The following SEMA3A variants were observed in gnomAD, a reference collection of about 807,000 sequenced individuals.
The protein encoded by SEMA3A is semaphorin-3A.
In SEMA3A, 29 loss-of-function variants were observed where a neutral mutation model predicts 97.9. The ratio of observed to expected loss-of-function variants is 0.30; its 90% CI spans 0.22 to 0.40. The LOEUF is 0.40. Ranked by LOEUF, SEMA3A falls within the 10% of genes least tolerant of loss-of-function variation. The probability of loss-of-function intolerance (pLI) is 1.00; values close to 1 mark genes in which losing one functional copy is unlikely to be tolerated. For synonymous variants in SEMA3A, 321 were observed against 323.7 expected, an observed-to-expected ratio of 0.99 and a Z score of 0.09; for missense variants, 763 against 951.3, an observed-to-expected ratio of 0.80 and a Z score of 2.60.
chr7:84,383,838 A>T (rs1803330088), intron 1 of SEMA3A, among the ~76,000 whole-genome samples: 1 of 152,196 alleles, frequency 6.6e-6, no homozygotes. Flanking sequence ...ACTTTCAGAA[A>T]TTACCTCCTT....
chr7:84,016,267 C>T lies in SEMA3A; in HGVS notation c.668-1916G>A, dbSNP rs139386496. On this transcript the variant is annotated intron_variant, in intron 6 of 16. Transcript: ENST00000265362. ...TATGTAACAGAAACCTGGCCGGGCA[C>T]GGTGGCTCACGCCTGTAATCCCTGC... Among the ~76,000 whole-genome samples the T allele has an allele frequency of 1.5e-3, 222 of 152,148 alleles. 2 individuals are homozygous for T. In the East Asian group the frequency reaches 0.016, roughly 11 times the overall value.
chr7:84,186,715 T>C (rs1434592281), intron 1 of SEMA3A, among the ~76,000 whole-genome samples: 1 of 151,972 alleles, frequency 6.6e-6, no homozygotes, highest in Non-Finnish European at 1.5e-5. Flanking sequence ...CATTGTCCTT[T>C]CCTGGCAATA....
chr7:84,346,790 G>C (rs924808418), intron 2 of SEMA3A, among the ~76,000 whole-genome samples: 3 of 152,140 alleles, frequency 2.0e-5, no homozygotes, highest in African/African-American at 7.2e-5. Context: ...GTGACACAGA[G>C]ACATGAAGTG....
intron 3 of SEMA3A, among the ~76,000 whole-genome samples, chr7:84,290,639 G>A (rs1259056444): frequency 6.6e-6 from 1 of 152,022 alleles, no homozygotes; most frequent in African/African-American, 2.4e-5. Flanking sequence ...GTTCTCTTCT[G>A]AAGTAAGCCC....
intron 3 of SEMA3A, among the ~76,000 whole-genome samples, chr7:84,121,638 C>CTTTTTTTTTT (rs35808952): frequency 7.8e-5 from 1 of 12,874 alleles, no homozygotes; most frequent in African/African-American, 3.9e-4. Context: ...GGTTCCAAGT[C>CTTTTTTTTTT]TTTTTTTTTT....
chr7:83,979,124 C>T (rs192108995), intron 14 of SEMA3A, among the ~76,000 whole-genome samples: 2 of 148,490 alleles, frequency 1.3e-5, no homozygotes, highest in East Asian at 2.0e-4. Flanking sequence ...AGTTCAAACA[C>T]GAATTCCACT....
chr7:84,363,154 A>C (rs1222783719), intron 2 of SEMA3A, among the ~76,000 whole-genome samples: 2 of 151,932 alleles, frequency 1.3e-5, no homozygotes, highest in African/African-American at 4.8e-5. Flanking sequence ...ATCATCTGAC[A>C]AATTCCTGAC....
rs1412431452 is a variant in SEMA3A, at chr7:84,099,059, C to A, written c.453+11411G>T. ...ATAACCAGAGATTAATCAGGAATTA[C>A]ATTTTCTTTTTTTTTCTTTTTTTTT... is the stretch of plus-strand genomic sequence containing the variant. On this transcript the variant is annotated intron_variant, in intron 4 of 16. Coordinates refer to ENST00000265362, the MANE Select transcript of SEMA3A (RefSeq NM_006080.3). Among the ~76,000 whole-genome samples the A allele has an allele frequency of 3.1e-4, 35 of 112,608 alleles. 6 individuals are homozygous for A. The highest frequency in any genetic ancestry group is 2.6e-3 in the Admixed American group (26 of 9,872). The allele number at this position is 112,608 out of a possible 152,430, so 73.9% of individuals were successfully genotyped here.
intron 1 of SEMA3A, among the ~76,000 whole-genome samples, chr7:84,405,640 T>A (rs1046806867): frequency 3.3e-5 from 5 of 152,194 alleles, no homozygotes; most frequent in Non-Finnish European, 7.3e-5. Context: ...ACCACATAGT[T>A]GGAAGTAAAG....
intron 2 of SEMA3A, among the ~76,000 whole-genome samples, chr7:84,338,596 T>G (rs1055650138): frequency 1.3e-5 from 2 of 152,136 alleles, no homozygotes; most frequent in African/African-American, 4.8e-5. Context: ...GAATAAATAT[T>G]TGAAGAAATA....
chr7:84,108,197 G>T (rs1401687675), intron 4 of SEMA3A, among the ~76,000 whole-genome samples: 2 of 152,016 alleles, frequency 1.3e-5, no homozygotes, highest in African/African-American at 4.8e-5. Flanking sequence ...CAAATTTCTA[G>T]CTTAGAAACT....
chr7:84,115,172 C>G (rs929335), intron 3 of SEMA3A, among the ~76,000 whole-genome samples: 110,151 of 151,942 alleles, frequency 0.72, 40,388 homozygotes, highest in East Asian at 0.91. Context: ...GGTATGTAGG[C>G]ATATTCATAA....
intron 3 of SEMA3A, among the ~76,000 whole-genome samples, chr7:84,236,493 A>T (rs1799238709): frequency 6.6e-6 from 1 of 152,074 alleles, no homozygotes; most frequent in Non-Finnish European, 1.5e-5. Flanking sequence ...AACATTACTA[A>T]AATATTAGTT....
chr7:84,341,643 A>C (rs1184495436), intron 2 of SEMA3A, among the ~76,000 whole-genome samples: 1 of 152,088 alleles, frequency 6.6e-6, no homozygotes, highest in Admixed American at 6.6e-5. Flanking sequence ...CCCGAACAGT[A>C]TCTATCTAAG....
chr7:84,143,949 T>TCTCTCTC (rs1562810204), intron 1 of SEMA3A, among the ~76,000 whole-genome samples: 16 of 40,480 alleles, frequency 4.0e-4, no homozygotes, highest in African/African-American at 8.4e-4. Context: ...TCTCTCTCTC[T>TCTCTCTC]AACACACACA....
chr7:84,062,902 TG>T (rs1793306611), intron 4 of SEMA3A, among the ~76,000 whole-genome samples: 1 of 151,860 alleles, frequency 6.6e-6, no homozygotes. Flanking sequence ...AAGCTCCAAC[TG>T]GGTGGAGCCC....
At chr7:84,196,246 A>G (rs1454175500), upstream of SEMA3A, among the ~76,000 whole-genome samples, 5 of 152,054 alleles carry the variant, frequency 3.3e-5, no homozygotes, top group Non-Finnish European at 7.4e-5. Context: ...CACCTACTGA[A>G]AGTGGCTTAG....
At chr7:84,260,096 G>C (rs916337171) in intron 3 of SEMA3A, among the ~76,000 whole-genome samples, 1 of 152,140 alleles carries the variant, frequency 6.6e-6, no homozygotes, top group Non-Finnish European at 1.5e-5. Context: ...ATAAATACTT[G>C]CTGAGTGAAC....
rs1310318006 is a variant in SEMA3A at position 83,980,623 on chromosome 7, A to AAAAAAAAAAAAAAATATAT, written c.1652+697_1652+698insATATATTTTTTTTTTTTTT. 1.4e-3 allele frequency among the ~76,000 whole-genome samples: 101 copies of AAAAAAAAAAAAAAATATAT among 71,638 alleles called. 1 individual carries two copies. Among genetic ancestry groups the AAAAAAAAAAAAAAATATAT allele is most frequent in the Non-Finnish European group, 1.9e-3 (77 of 41,322 alleles). The allele number at this position is 71,638 out of a possible 152,430, so 47.0% of individuals were successfully genotyped here. On this transcript the variant is annotated intron_variant, in intron 14 of 16. Coordinates refer to ENST00000265362, the MANE Select transcript of SEMA3A (RefSeq NM_006080.3). ...CATCTCAAAAAAAAAAAAAAAAAAA[A>AAAAAAAAAAAAAAATATAT]ATATATATATATATATACACACACA...
Sources: allele counts gnomAD v4.1 joint callset (sites outside exome capture counted in the v4.1 genomes callset), GRCh38; gene constraint gnomAD v4.1.1; transcripts MANE v1.5; gene names NCBI Gene and HGNC (gene_info 2026-07-23, HGNC 2026-07-21).